The following SGCZ variants were observed in gnomAD, a reference collection of about 807,000 sequenced individuals.
SGCZ encodes sarcoglycan zeta.
In SGCZ, 40 loss-of-function variants were observed where a neutral mutation model predicts 41.3. That is an observed-to-expected ratio of 0.97 (90% CI 0.75 to 1.26). The LOEUF (loss-of-function observed/expected upper bound fraction) is 1.26, where lower values mean the gene tolerates loss of function less well. Among genes scored for constraint, SGCZ ranks in the 50% most tolerant of loss-of-function variants. The pLI is 0.00. For missense variants in SGCZ, 552 were observed against 369.8 expected, an observed-to-expected ratio of 1.49 and a Z score of -4.04; for synonymous variants, 206 against 137.5, an observed-to-expected ratio of 1.50 and a Z score of -3.49.
At chr8:14,962,640 G>T (rs992580544) in intron 1 of SGCZ, among the ~76,000 whole-genome samples, 1 of 152,078 alleles carries the variant, frequency 6.6e-6, no homozygotes, top group Non-Finnish European at 1.5e-5. Flanking sequence ...TAGTAACTAA[G>T]TAAGGAAAGT....
At chr8:14,773,322 C>A (rs1011284798) in intron 1 of SGCZ, among the ~76,000 whole-genome samples, 10 of 152,142 alleles carry the variant, frequency 6.6e-5, no homozygotes, top group African/African-American at 2.4e-4. Context: ...GTACATTTCC[C>A]TTCATAAGTT....
intron 1 of SGCZ, among the ~76,000 whole-genome samples, chr8:15,036,543 A>C (rs988108902): frequency 1.3e-5 from 2 of 152,116 alleles, no homozygotes; most frequent in Non-Finnish European, 2.9e-5. Flanking sequence ...CATGTCCTAC[A>C]CGTGTACCCC....
At chr8:14,471,996 G>T (rs116372810) in intron 2 of SGCZ, among the ~76,000 whole-genome samples, 3,555 of 152,116 alleles carry the variant, frequency 0.023, 139 homozygotes, top group African/African-American at 0.079. Flanking sequence ...CTCTGTGGCA[G>T]TTAATAAATA....
intron 1 of SGCZ, among the ~76,000 whole-genome samples, chr8:15,194,746 G>A (rs1308724975): frequency 1.3e-5 from 2 of 152,138 alleles, no homozygotes; most frequent in Non-Finnish European, 2.9e-5. Flanking sequence ...TTGGAAGTTA[G>A]AACAGGTAAG....
chr8:14,612,762 T>C (rs73194126), intron 1 of SGCZ, among the ~76,000 whole-genome samples: 8,262 of 152,138 alleles, frequency 0.054, 270 homozygotes, highest in South Asian at 0.15. Context: ...TCTCTGCTCA[T>C]TGCAACCTCC....
At chr8:14,827,582 G>A (rs765206740) in intron 1 of SGCZ, among the ~76,000 whole-genome samples, 9 of 152,088 alleles carry the variant, frequency 5.9e-5, no homozygotes, top group Non-Finnish European at 1.5e-5. Flanking sequence ...GGAAGGAACT[G>A]CACGGGTTGT....
chr8:14,339,924 G>A (rs1019521949), intron 2 of SGCZ, among the ~76,000 whole-genome samples: 3 of 151,586 alleles, frequency 2.0e-5, no homozygotes, highest in African/African-American at 2.4e-5. Context: ...GAAATGGAAC[G>A]AAAATATAAA....
chr8:14,606,781 A>G (rs1805764095), intron 1 of SGCZ, among the ~76,000 whole-genome samples: 1 of 152,184 alleles, frequency 6.6e-6, no homozygotes, highest in Admixed American at 6.5e-5. Flanking sequence ...GAATAAGAAG[A>G]AATGCTATGA....
At chr8:15,026,128 A>G (rs1803449105) in intron 1 of SGCZ, among the ~76,000 whole-genome samples, 1 of 152,162 alleles carries the variant, frequency 6.6e-6, no homozygotes, top group South Asian at 2.1e-4. Context: ...TGTTTAAAAA[A>G]AAAAAAGGAC....
intron 1 of SGCZ, among the ~76,000 whole-genome samples, chr8:14,768,835 C>G (rs1016416152): frequency 6.6e-6 from 1 of 151,834 alleles, no homozygotes; most frequent in Non-Finnish European, 1.5e-5. Flanking sequence ...TTCATGGTAC[C>G]CAGTAAGTCA....
intron 1 of SGCZ, among the ~76,000 whole-genome samples, chr8:14,651,079 GCTATGTATCAGTT>G (rs2013282759): frequency 6.6e-6 from 1 of 151,894 alleles, no homozygotes; most frequent in Admixed American, 6.6e-5. Context: ...ATAATTAGCA[GCTATGTATCAGTT>G]CTTCCTAGCC....
chr8:14,982,809 G>C (rs1465220156), intron 1 of SGCZ, among the ~76,000 whole-genome samples: 1 of 152,106 alleles, frequency 6.6e-6, no homozygotes, highest in African/African-American at 2.4e-5. Context: ...GAATACAACA[G>C]AAATATTCAC....
chr8:15,092,815 A>G (rs1476402938), intron 1 of SGCZ, among the ~76,000 whole-genome samples: 1 of 152,202 alleles, frequency 6.6e-6, no homozygotes, highest in Non-Finnish European at 1.5e-5. Flanking sequence ...CATCACATGC[A>G]TTGTCTGGGC....
chr8:14,434,714 A>C (rs1475242359), intron 2 of SGCZ, among the ~76,000 whole-genome samples: 1 of 151,876 alleles, frequency 6.6e-6, no homozygotes, highest in East Asian at 1.9e-4. Context: ...CAAATATTTT[A>C]ATTTTTTTTG....
chr8:14,642,231 G>C (rs1015947597), intron 1 of SGCZ, among the ~76,000 whole-genome samples: 4 of 151,494 alleles, frequency 2.6e-5, no homozygotes. Flanking sequence ...AATCAGATGG[G>C]ACAAAATCAT....
At chr8:14,839,679 TG>T (rs1802832654) in intron 1 of SGCZ, among the ~76,000 whole-genome samples, 1 of 152,192 alleles carries the variant, frequency 6.6e-6, no homozygotes, top group Admixed American at 6.5e-5. Flanking sequence ...AGGACTTTTT[TG>T]TTAAATTGTC....
chr8:15,222,645 A>AGTTTTT (rs1801642179), intron 1 of SGCZ, among the ~76,000 whole-genome samples: 1 of 152,040 alleles, frequency 6.6e-6, no homozygotes, highest in Non-Finnish European at 1.5e-5. Context: ...TATTTATGAG[A>AGTTTTT]GTTTTTGTTT....
intron 1 of SGCZ, among the ~76,000 whole-genome samples, chr8:14,993,066 A>G (rs777306697): frequency 4.6e-5 from 7 of 152,064 alleles, no homozygotes; most frequent in Non-Finnish European, 1.0e-4. Flanking sequence ...ACTAGTGTTA[A>G]TCTTTATATT....
intron 3 of SGCZ, among the ~76,000 whole-genome samples, chr8:14,245,428 T>G (rs1799050637): frequency 6.6e-6 from 1 of 152,152 alleles, no homozygotes; most frequent in South Asian, 2.1e-4. Context: ...TCCTTACACC[T>G]TAGACAAAAA....
Sources: allele counts gnomAD v4.1 joint callset (sites outside exome capture counted in the v4.1 genomes callset), GRCh38; gene constraint gnomAD v4.1.1; transcripts MANE v1.5; gene names NCBI Gene and HGNC (gene_info 2026-07-23, HGNC 2026-07-21).